Variants in PIEZO1 observed in about 807,000 individuals in gnomAD.
PIEZO1 encodes piezo-type mechanosensitive ion channel component 1.
Under a neutral mutation model 297.2 loss-of-function variants are expected in PIEZO1, and 296 were observed. The observed-to-expected ratio is 1.00, with a 90% confidence interval of 0.91 to 1.10. The LOEUF (loss-of-function observed/expected upper bound fraction) is 1.10, where lower values mean the gene tolerates loss of function less well. PIEZO1 is among the 50% of genes least tolerant of loss of function. The probability of loss-of-function intolerance (pLI) is 0.00; values close to 1 mark genes in which losing one functional copy is unlikely to be tolerated. For synonymous variants in PIEZO1, 2,427 were observed against 1,507.5 expected (o/e 1.61, Z -14.13); for missense variants, 5,018 against 3,455.5 (o/e 1.45, Z -11.34).
At chr16:88,763,167 C>T (rs988935073) in intron 1 of PIEZO1, among the ~76,000 whole-genome samples, 1 of 152,200 alleles carries the variant, frequency 6.6e-6, no homozygotes, top group African/African-American at 2.4e-5. Flanking sequence ...AGCCAATGTC[C>T]TCCGGAGATA....
rs556303039 is a variant in PIEZO1, at chr16:88,716,857, G to A, written c.6702C>T (p.Pro2234=). Residue 2234 remains proline, a synonymous_variant, in exon 46 of 51, where the codon CCC becomes CCT. Transcript: ENST00000301015. ...GCTCCTCATAGGCCTGGGCCGTGAA[G>A]GGGATGATGGACGGCTGCTGGGCGC... ...TMSAQQPSII[P]FTAQAYEELS... is the part of the protein sequence containing the mutation. 4.5e-6 allele frequency: 7 copies of A among 1,550,166 alleles called. No homozygotes were observed. The African/African-American group carries it at 9.6e-5, about 21-fold the overall frequency.
rs545433060 is a variant in PIEZO1 at position 88,742,046 on chromosome 16, G to A, written c.326+7C>T. The stretch of plus-strand genomic sequence containing the variant: ...TTGCTGGTTGGGGGTGGGAGGAATG[G>A]TCTTACCTTGTGACCCCTATGTGTC... On this transcript the variant is annotated splice_region_variant and intron_variant, in intron 4 of 50. Transcript: ENST00000301015. 5 of 1,536,048 alleles carry A rather than the reference G, an allele frequency of 3.3e-6. No individual in the cohort carries two copies. Among genetic ancestry groups the A allele is most frequent in the Non-Finnish European group, 3.5e-6 (4 of 1,146,686 alleles).
At position 88,715,950 on chromosome 16, in the gene PIEZO1, G is replaced by T; in HGVS notation, c.7299C>A (p.Gly2433=). 1 of 1,549,638 alleles carries T rather than the reference G, an allele frequency of 6.5e-7. No homozygotes were observed. Among genetic ancestry groups the T allele is most frequent in the Non-Finnish European group, 8.7e-7 (1 of 1,146,506 alleles). The part of the protein sequence containing the change: ...FSDKVSPPSL[G]FLAGYGIMGL... Reference sequence around the variant, plus strand: ...TCACTCACCCGTAGCCAGCCAGGAAGCCGAGGCTCGGTGGGCTGACCTTGT... The same window carrying T: ...TCACTCACCCGTAGCCAGCCAGGAATCCGAGGCTCGGTGGGCTGACCTTGT... Residue 2433 remains glycine (G), a synonymous_variant, in exon 50 of 51, where the codon GGC becomes GGA. Transcript: ENST00000301015.
At chr16:88,741,921 G>C (rs1441067896) in intron 4 of PIEZO1, 132 bp downstream of exon 4, 2 of 901,892 alleles carry the variant, frequency 2.2e-6, no homozygotes, top group African/African-American at 3.3e-5. Context: ...AGCGTGGATG[G>C]GTCTCCAGGT....
intron 36 of PIEZO1, 61 bp downstream of exon 36, chr16:88,722,157 C>G (rs1904284061): frequency 3.3e-6 from 5 of 1,523,298 alleles, no homozygotes. Context: ...GTCTCCTGCC[C>G]CTGTTCGGCT....
At chr16:88,748,110 C>T (rs1906159522) in intron 2 of PIEZO1, among the ~76,000 whole-genome samples, 1 of 152,210 alleles carries the variant, frequency 6.6e-6, no homozygotes, top group Non-Finnish European at 1.5e-5. Context: ...CCTCTCTGCC[C>T]TCTGCTGGGG....
intron 1 of PIEZO1, among the ~76,000 whole-genome samples, chr16:88,764,330 A>G (rs1907068522): frequency 1.3e-5 from 2 of 152,132 alleles, no homozygotes; most frequent in African/African-American, 4.8e-5. Context: ...TGAAGTCCAC[A>G]CCACCAGCGT....
intron 1 of PIEZO1, among the ~76,000 whole-genome samples, chr16:88,784,033 G>A (rs1908056175): frequency 6.6e-6 from 1 of 152,236 alleles, no homozygotes; most frequent in African/African-American, 2.4e-5. Context: ...GAGCCCCCGG[G>A]CGGAGGGCGC....
intron 1 of PIEZO1, among the ~76,000 whole-genome samples, chr16:88,753,861 G>A (rs1446659246): frequency 6.6e-6 from 1 of 152,236 alleles, no homozygotes; most frequent in Non-Finnish European, 1.5e-5. Context: ...CTCAGGGCAG[G>A]TCGGAAGCTT....
In PIEZO1 at chr16:88,722,014, C is replaced by G; in HGVS notation, c.5008G>C (p.Gly1670Arg). 2.6e-6 allele frequency: 4 copies of G among 1,548,648 alleles called. No individual in the cohort carries two copies. Among genetic ancestry groups the G allele is most frequent in the Middle Eastern group, 3.8e-4 (2 of 5,278 alleles). The change falls in exon 37 of 51, where the codon GGC becomes CGC. Residue 1670 changes from glycine to arginine, a missense_variant. Transcript: ENST00000301015. The stretch of plus-strand genomic sequence containing the variant: ...GCCCGCAGCAGCCGCAGCGCCCGGC[C>G]CTGCCCCTCCGCAAACAGCTCTGCC... Reference protein sequence around the residue: ...EEAELFAEGQGRALRLLRAVY... With the variant: ...EEAELFAEGQRRALRLLRAVY...
At chr16:88,776,697 C>A (rs778886862) in intron 1 of PIEZO1, among the ~76,000 whole-genome samples, 1 of 152,164 alleles carries the variant, frequency 6.6e-6, no homozygotes, top group Non-Finnish European at 1.5e-5. Flanking sequence ...ATTCAGCAGA[C>A]GGGAGTGACC....
chr16:88,769,883 C>T (rs564173105), intron 1 of PIEZO1, among the ~76,000 whole-genome samples: 8 of 152,200 alleles, frequency 5.3e-5, no homozygotes, highest in Admixed American at 3.3e-4. Flanking sequence ...ACAGAGAGGC[C>T]GGCATGGGGC....
In PIEZO1 at chr16:88,737,526, A is replaced by C. The variant is rs11643304; in HGVS notation, c.1195+33T>G. 0.13 allele frequency: 179,598 copies of C among 1,422,120 alleles called. 12,173 individuals are homozygous for C. The highest frequency in any genetic ancestry group is 0.15 in the African/African-American group (10,557 of 70,256). The allele number at this position is 1,422,120 out of a possible 1,614,324, so 88.1% of individuals were successfully genotyped here. A position where few individuals can be genotyped will look rare whatever the true frequency, so the allele number is the denominator to read the frequency against. ...CACCGGCCTCCGCCCCGCCCCCCGC[A>C]CCCAGCCATACCTTGCAGTGTGCGG... On this transcript the variant is annotated intron_variant, in intron 10 of 50. Transcript: ENST00000301015.
In PIEZO1 at chr16:88,719,814, A is replaced by AG; in HGVS notation, c.6310_6311insC (p.Phe2104SerfsTer117). ...GACCTGCACTCACCCCTGGAAGAGG[A>AG]AGAGGTTGAGATGATTGTACTTCTT... On this transcript the variant is annotated frameshift_variant, in exon 43 of 51. Transcript: ENST00000301015. LOFTEE classifies it high-confidence loss of function. 1 of 1,550,476 alleles carries AG rather than the reference A, an allele frequency of 6.4e-7. No individual in the cohort carries two copies. Among genetic ancestry groups the AG allele is most frequent in the Non-Finnish European group, 8.7e-7 (1 of 1,146,920 alleles).
rs1905743860 is a variant in PIEZO1, at chr16:88,742,434, C to T, written c.161-12G>A. On this transcript the variant is annotated splice_polypyrimidine_tract_variant and intron_variant, in intron 2 of 50. Transcript: ENST00000301015. Reference sequence around the variant, plus strand: ...GCGGCCTGTGTGACCTGCGGCAGAGCGAGTGGGTGAGGCTGGTCCCGGGGA... The same window carrying T: ...GCGGCCTGTGTGACCTGCGGCAGAGTGAGTGGGTGAGGCTGGTCCCGGGGA... 2.0e-6 allele frequency: 3 copies of T among 1,533,898 alleles called. No individual in the cohort carries two copies. Among genetic ancestry groups the T allele is most frequent in the Non-Finnish European group, 2.6e-6 (3 of 1,146,332 alleles).
intron 1 of PIEZO1, among the ~76,000 whole-genome samples, chr16:88,769,317 G>A (rs1194414808): frequency 6.6e-6 from 1 of 152,200 alleles, no homozygotes; most frequent in Non-Finnish European, 1.5e-5. Context: ...CTCCCAAAGT[G>A]CTGGGATTAC....
At position 88,725,657 on chromosome 16, in the gene PIEZO1, G is replaced by T. The variant is rs35796196; in HGVS notation, c.3996C>A (p.Asn1332Lys). The T allele has an allele frequency of 1.9e-6, 3 of 1,548,470 alleles. No homozygotes were observed. Among genetic ancestry groups the T allele is most frequent in the East Asian group, 4.9e-5 (2 of 40,894 alleles). ...TGCGGTGAAAGTCAATGCTCTTGAG[G>T]TTGGCAGCGTTGTAGAGGGCGAAGC... ...SRGFALYNAA[N>K]LKSIDFHRRI... The change falls in exon 28 of 51, where the codon AAC becomes AAA. Residue 1332 changes from asparagine to lysine, a missense_variant. Asn to Lys is a moderately conservative substitution (Grantham distance 94, BLOSUM62 0). Transcript: ENST00000301015.
intron 31 of PIEZO1, among the ~76,000 whole-genome samples, chr16:88,723,587 G>C (rs916805200): frequency 3.3e-5 from 5 of 152,282 alleles, no homozygotes; most frequent in African/African-American, 9.6e-5. Context: ...CAGGCGGCCA[G>C]CACAAAGGTG....
chr16:88,735,148 G>T lies in PIEZO1; in HGVS notation c.1656C>A (p.Thr552=). 6.5e-7 allele frequency: 1 copy of T among 1,550,236 alleles called. No individual in the cohort carries two copies. The highest frequency in any genetic ancestry group is 8.7e-7 in the Non-Finnish European group (1 of 1,146,822). The stretch of plus-strand genomic sequence containing the variant: ...CCCACCACTCACCTGTGTCTGCCAC[G>T]GTGACCTCCGTCAGCGCAGCTGGAG... ...AESPAALTEV[T]VADTEPTRTQ... Residue 552 remains threonine (T), a synonymous_variant, in exon 13 of 51, where the codon ACC becomes ACA. Coordinates refer to ENST00000301015, the MANE Select transcript of PIEZO1 (RefSeq NM_001142864.4).
Sources: allele counts gnomAD v4.1 joint callset (sites outside exome capture counted in the v4.1 genomes callset), GRCh38; gene constraint gnomAD v4.1.1; transcripts MANE v1.5; gene names NCBI Gene and HGNC (gene_info 2026-07-23, HGNC 2026-07-21).